Variants in GABRA2 observed in about 807,000 individuals in gnomAD.
GABRA2 encodes gamma-aminobutyric acid receptor subunit alpha-2.
In GABRA2, 16 loss-of-function variants were observed where a neutral mutation model predicts 48.7. The ratio of observed to expected loss-of-function variants is 0.33; its 90% CI spans 0.22 to 0.50. The LOEUF (loss-of-function observed/expected upper bound fraction) is 0.50, where lower values mean the gene tolerates loss of function less well. Ranked by LOEUF, GABRA2 falls within the 20% of genes least tolerant of loss-of-function variation. The pLI is 0.98. For missense variants in GABRA2, 275 were observed against 535.6 expected (o/e 0.51, Z 4.80); for synonymous variants, 185 against 184.5 (o/e 1.00, Z -0.02).
chr4:46,369,219 A>G (rs1040729120), intron 3 of GABRA2, among the ~76,000 whole-genome samples: 1 of 152,098 alleles, frequency 6.6e-6, no homozygotes. Flanking sequence ...TCTAGAGGGC[A>G]CACCCCTGTA....
chr4:46,274,590 C>T (rs1408205781), intron 8 of GABRA2, among the ~76,000 whole-genome samples: 5 of 151,998 alleles, frequency 3.3e-5, no homozygotes, highest in South Asian at 2.1e-4. Context: ...AAACTGCAGA[C>T]GCTTCCTCCA....
chr4:46,350,266 A>C (rs1734899620), intron 3 of GABRA2, among the ~76,000 whole-genome samples: 1 of 151,948 alleles, frequency 6.6e-6, no homozygotes, highest in Admixed American at 6.6e-5. Context: ...GAGTAGTCCC[A>C]GTATAGTCAA....
chr4:46,307,521 C>T (rs1026835927), intron 6 of GABRA2, among the ~76,000 whole-genome samples: 1 of 151,472 alleles, frequency 6.6e-6, no homozygotes, highest in Non-Finnish European at 1.5e-5. Context: ...AAATGAAACC[C>T]TATAAAAGAG....
chr4:46,287,180 T>C (rs75935704), intron 8 of GABRA2, among the ~76,000 whole-genome samples: 7,751 of 152,246 alleles, frequency 0.051, 669 homozygotes, highest in African/African-American at 0.18. Context: ...TTGGCAGTTA[T>C]CTGGCTATAA....
At chr4:46,323,150 T>A (rs1342467870) in intron 4 of GABRA2, among the ~76,000 whole-genome samples, 1 of 151,990 alleles carries the variant, frequency 6.6e-6, no homozygotes, top group Non-Finnish European at 1.5e-5. Context: ...GCATCATGTT[T>A]TAAAGTATCA....
At chr4:46,358,321 C>A (rs1243579229) in intron 3 of GABRA2, among the ~76,000 whole-genome samples, 6 of 152,090 alleles carry the variant, frequency 3.9e-5, no homozygotes, top group Admixed American at 3.9e-4. Context: ...GAACTCAGCT[C>A]CTTAGAGGAT....
chr4:46,387,418 T>C (rs1001116253), intron 2 of GABRA2, among the ~76,000 whole-genome samples: 2 of 152,184 alleles, frequency 1.3e-5, no homozygotes, highest in Admixed American at 1.3e-4. Context: ...CATCAAAAAC[T>C]GGTAACCAAC....
chr4:46,373,464 G>A (rs1174919580), intron 3 of GABRA2, among the ~76,000 whole-genome samples: 3 of 152,050 alleles, frequency 2.0e-5, no homozygotes, highest in Non-Finnish European at 2.9e-5. Flanking sequence ...CTGTTATTCT[G>A]ATGTATGTAC....
intron 3 of GABRA2, among the ~76,000 whole-genome samples, chr4:46,383,867 T>C (rs1717089731): frequency 1.3e-5 from 2 of 151,918 alleles, no homozygotes; most frequent in Admixed American, 6.6e-5. Flanking sequence ...AGAAAATAAA[T>C]AGATGTGTTT....
chr4:46,327,858 C>T (rs1730654743), intron 4 of GABRA2, among the ~76,000 whole-genome samples: 1 of 152,050 alleles, frequency 6.6e-6, no homozygotes, highest in Non-Finnish European at 1.5e-5. Context: ...AAGATTACTT[C>T]AAAGTTTTCA....
At chr4:46,383,434 A>G (rs1433085724) in intron 3 of GABRA2, among the ~76,000 whole-genome samples, 4 of 152,216 alleles carry the variant, frequency 2.6e-5, no homozygotes, top group Admixed American at 6.5e-5. Context: ...CATTTTCCAG[A>G]CAATGAGCTG....
At chr4:46,292,888 T>C (rs189522497) in intron 8 of GABRA2, among the ~76,000 whole-genome samples, 1 of 152,308 alleles carries the variant, frequency 6.6e-6, no homozygotes, top group East Asian at 1.9e-4. Flanking sequence ...GTAATTGCTC[T>C]TCTCTGTATG....
intron 3 of GABRA2, among the ~76,000 whole-genome samples, chr4:46,379,965 G>T (rs1001278732): frequency 1.3e-5 from 2 of 151,730 alleles, no homozygotes; most frequent in African/African-American, 2.4e-5. Context: ...TCTCTCTCTC[G>T]ATGTCTCCAC....
intron 3 of GABRA2, among the ~76,000 whole-genome samples, chr4:46,341,931 T>C (rs773087551): frequency 6.6e-6 from 1 of 151,962 alleles, no homozygotes; most frequent in African/African-American, 2.4e-5. Context: ...GCCCTGGAAA[T>C]AGAGCTGTCC....
chr4:46,370,237 T>C (rs1170992346), intron 3 of GABRA2, among the ~76,000 whole-genome samples: 1 of 151,844 alleles, frequency 6.6e-6, no homozygotes, highest in Non-Finnish European at 1.5e-5. Flanking sequence ...AAACTACATA[T>C]AGGTTAATAT....
intron 8 of GABRA2, among the ~76,000 whole-genome samples, chr4:46,295,073 G>A (rs192261285): frequency 2.2e-3 from 337 of 152,316 alleles, no homozygotes; most frequent in Non-Finnish European, 3.8e-3. Context: ...AGTTGACAAA[G>A]GAAGAGAAGA....
Position 46,305,589 on chromosome 4 carries a change from C to G in GABRA2, c.682G>C (p.Glu228Gln). The G allele has an allele frequency of 6.2e-7, 1 of 1,613,824 alleles. No individual in the cohort carries two copies. The highest frequency in any genetic ancestry group is 8.5e-7 in the Non-Finnish European group (1 of 1,179,886). Residue 228 changes from glutamate to glutamine, a missense_variant, in exon 7 of 10, where the codon GAG (glutamate) becomes CAG (glutamine). Coordinates refer to ENST00000381620, the MANE Select transcript of GABRA2 (RefSeq NM_000807.4). ...TAACCTGTACTGGATTTAATTGTCT[C>G]CTTTCCGATTGATTGGCCCAGCAGG... is the stretch of plus-strand genomic sequence containing the variant. The part of the protein sequence containing the change: ...YDLLGQSIGK[E>Q]TIKSSTGEYT...
intron 9 of GABRA2, among the ~76,000 whole-genome samples, chr4:46,260,591 A>T (rs1197498357): frequency 5.3e-5 from 8 of 151,898 alleles, no homozygotes; most frequent in African/African-American, 1.9e-4. Context: ...CAAAGGTCTA[A>T]TATTTTATCT....
rs200183143 is a variant in GABRA2 at position 46,250,422 on chromosome 4, A to G, written c.1242T>C (p.Val414=). The stretch of plus-strand genomic sequence containing the variant: ...TTCTGGACATTCTGTCAATTTTGCT[A>G]ACACTGTTGAAAGTTTTCTTTGCTT... The part of the protein sequence containing the change: ...PAEAKKTFNS[V]SKIDRMSRIV... The change falls in exon 10 of 10, where the codon GTT becomes GTC. Residue 414 remains valine (V), a synonymous_variant. Coordinates refer to ENST00000381620, the MANE Select transcript of GABRA2 (RefSeq NM_000807.4). The G allele has an allele frequency of 7.4e-6, 12 of 1,611,800 alleles. No homozygotes were observed. Among genetic ancestry groups the G allele is most frequent in the Non-Finnish European group, 1.0e-5 (12 of 1,178,594 alleles).
Sources: allele counts gnomAD v4.1 joint callset (sites outside exome capture counted in the v4.1 genomes callset), GRCh38; gene constraint gnomAD v4.1.1; transcripts MANE v1.5; gene names NCBI Gene and HGNC (gene_info 2026-07-23, HGNC 2026-07-21).